SEC22A: variants seen among roughly 807,000 people sequenced by gnomAD.
SEC22A encodes the protein SEC22 homolog A, vesicle trafficking protein.
A neutral mutation model predicts 35.3 loss-of-function variants in SEC22A; 22 were observed. That is an observed-to-expected ratio of 0.62 (90% CI 0.45 to 0.89). The LOEUF (loss-of-function observed/expected upper bound fraction) is 0.89, where lower values mean the gene tolerates loss of function less well. Among genes scored for constraint, SEC22A ranks in the 40% least tolerant of loss-of-function variants. The pLI, the probability that SEC22A is intolerant of heterozygous loss-of-function variation, is 0.00. For missense variants in SEC22A, 354 were observed against 362.5 expected (o/e 0.98, Z 0.19); for synonymous variants, 119 against 129.5 (o/e 0.92, Z 0.55).
chr3:123,228,928 G>A (rs968992445), intron 4 of SEC22A, among the ~76,000 whole-genome samples: 3 of 152,108 alleles, frequency 2.0e-5, no homozygotes, highest in South Asian at 2.1e-4. Flanking sequence ...GCAATTTGAA[G>A]ATAGATTGAT....
At chr3:123,235,574 T>C (rs1937404238) in intron 4 of SEC22A, among the ~76,000 whole-genome samples, 1 of 152,214 alleles carries the variant, frequency 6.6e-6, no homozygotes, top group Admixed American at 6.5e-5. Flanking sequence ...CTCCATACTT[T>C]GCCAGTGGGG....
chr3:123,252,582 T>C (rs900486604), intron 5 of SEC22A, among the ~76,000 whole-genome samples: 1 of 152,188 alleles, frequency 6.6e-6, no homozygotes, highest in African/African-American at 2.4e-5. Context: ...ACATTAAAGC[T>C]TACTTTTTTA....
At chr3:123,210,528 A>G (rs1936925652) in intron 2 of SEC22A, among the ~76,000 whole-genome samples, 1 of 152,224 alleles carries the variant, frequency 6.6e-6, no homozygotes, top group Non-Finnish European at 1.5e-5. Flanking sequence ...TTAGACATCC[A>G]AGGGGCACTG....
chr3:123,261,035 C>T (rs1937885249), intron 6 of SEC22A, among the ~76,000 whole-genome samples: 1 of 151,624 alleles, frequency 6.6e-6, no homozygotes, highest in Admixed American at 6.6e-5. Context: ...TGACGTTTCA[C>T]CATGTTAGCC....
Position 123,241,965 on chromosome 3 carries a change from T to A in SEC22A, c.542-3934T>A, listed in dbSNP as rs533673860. The stretch of plus-strand genomic sequence containing the variant: ...ACTTTTCTGGAAAAAAAAAAAAAAA[T>A]TTTAAGGAGAATCCTAGCATCTCCT... On this transcript the variant is annotated intron_variant, in intron 4 of 6. Coordinates refer to ENST00000492595, the MANE Select transcript of SEC22A (RefSeq NM_012430.5). Among the ~76,000 whole-genome samples the A allele has an allele frequency of 1.0e-3, 154 of 151,626 alleles. 1 individual carries two copies. Among genetic ancestry groups the A allele is most frequent in the Admixed American group, 2.7e-3 (41 of 15,200 alleles).
At chr3:123,260,108 G>A (rs1937847082) in intron 6 of SEC22A, among the ~76,000 whole-genome samples, 2 of 119,260 alleles carry the variant, frequency 1.7e-5, no homozygotes, top group South Asian at 5.4e-4. Context: ...CTCCGGCCTG[G>A]GCAACAGAGC....
chr3:123,244,769 G>A (rs982538929), intron 4 of SEC22A, among the ~76,000 whole-genome samples: 10 of 152,078 alleles, frequency 6.6e-5, no homozygotes, highest in South Asian at 2.1e-4. Flanking sequence ...TTGTTAGGGC[G>A]TTTACACTTC....
intron 4 of SEC22A, among the ~76,000 whole-genome samples, chr3:123,241,613 C>G (rs141753336): frequency 9.9e-5 from 15 of 152,272 alleles, no homozygotes; most frequent in Middle Eastern, 3.4e-3. Flanking sequence ...CCCTCCAACA[C>G]TGTAAGAGAA....
At chr3:123,222,165 T>C (rs1937134882) in intron 2 of SEC22A, among the ~76,000 whole-genome samples, 1 of 151,698 alleles carries the variant, frequency 6.6e-6, no homozygotes, top group Non-Finnish European at 1.5e-5. Flanking sequence ...GGATTTGGAC[T>C]AGTGTTAGGT....
At chr3:123,265,793 G>T (rs1439617351) in intron 6 of SEC22A, among the ~76,000 whole-genome samples, 1 of 152,108 alleles carries the variant, frequency 6.6e-6, no homozygotes, top group Non-Finnish European at 1.5e-5. Context: ...CATGGCAAAG[G>T]CGATTTTTTT....
At chr3:123,216,491 A>G (rs1194715671) in intron 2 of SEC22A, among the ~76,000 whole-genome samples, 1 of 152,216 alleles carries the variant, frequency 6.6e-6, no homozygotes, top group African/African-American at 2.4e-5. Context: ...GGCATATTTC[A>G]TATTAATAAA....
chr3:123,213,554 C>T (rs998394391), intron 2 of SEC22A, among the ~76,000 whole-genome samples: 1 of 152,178 alleles, frequency 6.6e-6, no homozygotes, highest in Non-Finnish European at 1.5e-5. Flanking sequence ...TCACAGATCA[C>T]CTGTAGAACT....
intron 6 of SEC22A, among the ~76,000 whole-genome samples, chr3:123,265,495 T>C (rs570968903): frequency 1.3e-5 from 2 of 152,114 alleles, no homozygotes; most frequent in African/African-American, 4.8e-5. Context: ...TTCAGATCAG[T>C]CTGTATCTTA....
intron 6 of SEC22A, among the ~76,000 whole-genome samples, chr3:123,261,994 T>C (rs533888636): frequency 7.9e-5 from 12 of 152,306 alleles, no homozygotes; most frequent in Admixed American, 3.3e-4. Flanking sequence ...AGCAGAAAAC[T>C]AATTTCCTTC....
At chr3:123,217,389 T>A (rs868482464) in intron 2 of SEC22A, among the ~76,000 whole-genome samples, 10 of 151,892 alleles carry the variant, frequency 6.6e-5, no homozygotes, top group East Asian at 1.9e-4. Context: ...TTTTATTTTT[T>A]TTTTTAGTGG....
chr3:123,208,992 A>C (rs1936894277), intron 1 of SEC22A: 1 of 411,056 alleles, frequency 2.4e-6, no homozygotes, highest in Non-Finnish European at 4.6e-6. Context: ...AAGGGGTTTC[A>C]TCATGTTGGC....
At chr3:123,271,482 C>A in intron 6 of SEC22A, 40 bp from the exon 7 acceptor site, 2 of 1,526,066 alleles carry the variant, frequency 1.3e-6, no homozygotes, top group Non-Finnish European at 1.8e-6. Context: ...GTTTCTTTTC[C>A]TGTAACCCTA....
chr3:123,264,425 T>C (rs1021823693), intron 6 of SEC22A, among the ~76,000 whole-genome samples: 1 of 152,164 alleles, frequency 6.6e-6, no homozygotes, highest in African/African-American at 2.4e-5. Flanking sequence ...CCTCCAGCAA[T>C]GTGTGAATGA....
chr3:123,269,625 ATTTTTTTTTT>A (rs35895285), intron 6 of SEC22A, among the ~76,000 whole-genome samples: 4 of 89,490 alleles, frequency 4.5e-5, no homozygotes, highest in African/African-American at 1.2e-4. Flanking sequence ...AAGGACATGA[ATTTTTTTTTT>A]TTTTTTTTTT....
Sources: allele counts gnomAD v4.1 joint callset (sites outside exome capture counted in the v4.1 genomes callset), GRCh38; gene constraint gnomAD v4.1.1; transcripts MANE v1.5; gene names NCBI Gene and HGNC (gene_info 2026-07-23, HGNC 2026-07-21).